The following VWA3A variants were observed in gnomAD, a reference collection of about 807,000 sequenced individuals.
VWA3A encodes the protein von Willebrand factor A domain containing 3A.
VWA3A carries 134 observed loss-of-function variants against 160.4 expected under a neutral mutation model. That is an observed-to-expected ratio of 0.84 (90% confidence interval 0.73 to 0.96). VWA3A has a LOEUF of 0.96. VWA3A is among the 40% of genes least tolerant of loss of function. VWA3A has a pLI of 0.00. For synonymous variants in VWA3A, 476 were observed against 543.4 expected, an observed-to-expected ratio of 0.88 and a Z score of 1.72; for missense variants, 1,310 against 1,447.9, an observed-to-expected ratio of 0.90 and a Z score of 1.55.
chr16:22,146,889 G>A (rs982436726), intron 27 of VWA3A, among the ~76,000 whole-genome samples: 2 of 152,126 alleles, frequency 1.3e-5, no homozygotes, highest in African/African-American at 2.4e-5. Flanking sequence ...GCTCTGCAAG[G>A]CCACCTGCCA....
Position 22,100,260 on chromosome 16 carries a change from A to T in VWA3A, c.292A>T (p.Ser98Cys), listed in dbSNP as rs1320036259. Reference sequence around the variant, plus strand: ...CTCTGAAGACTGGCTTTCGGCTCACAGTTTAAAATGTCAGAAACTCACCTT... The same window carrying T: ...CTCTGAAGACTGGCTTTCGGCTCACTGTTTAAAATGTCAGAAACTCACCTT... ...EDSEDWLSAH[S>C]LKCQKLTLAD... Residue 98 changes from serine to cysteine, a missense_variant, in exon 4 of 34, where the codon AGT (serine) becomes TGT (cysteine). Transcript: ENST00000389398. The T allele has an allele frequency of 6.4e-7, 1 of 1,551,310 alleles. No individual in the cohort carries two copies. The highest frequency in any genetic ancestry group is 1.4e-5 in the African/African-American group (1 of 72,974).
rs1231104397 is a variant in VWA3A, at chr16:22,152,494, C to A, written c.3282-17C>A. 6.2e-7 allele frequency: 1 copy of A among 1,612,224 alleles called. No homozygotes were observed. Among genetic ancestry groups the A allele is most frequent in the East Asian group, 2.2e-5 (1 of 44,850 alleles). On this transcript the variant is annotated splice_polypyrimidine_tract_variant and intron_variant, in intron 30 of 33. Coordinates refer to ENST00000389398, the MANE Select transcript of VWA3A (RefSeq NM_173615.5). Reference sequence around the variant, plus strand: ...GTCAGTCAGCCTTCCCACCAGCCCTCTGTCCCTTCCTTCCAGAGCGGCGGT... The same window carrying A: ...GTCAGTCAGCCTTCCCACCAGCCCTATGTCCCTTCCTTCCAGAGCGGCGGT...
At chr16:22,120,548 T>TTTTTAC (rs2045713860) in intron 12 of VWA3A, among the ~76,000 whole-genome samples, 1 of 152,210 alleles carries the variant, frequency 6.6e-6, no homozygotes, top group Non-Finnish European at 1.5e-5. Context: ...TGCTGTTCTA[T>TTTTTAC]TTTTACTTAC....
At chr16:22,113,224 CTCTG>C (rs2045576691) in intron 8 of VWA3A, among the ~76,000 whole-genome samples, 1 of 151,828 alleles carries the variant, frequency 6.6e-6, no homozygotes, top group African/African-American at 2.4e-5. Context: ...TGGAGTCTTA[CTCTG>C]TCACCCAGGC....
At chr16:22,136,901 A>ACG in intron 21 of VWA3A, among the ~76,000 whole-genome samples, 1 of 149,528 alleles carries the variant, frequency 6.7e-6, no homozygotes, top group East Asian at 2.0e-4. Flanking sequence ...ACACGCACAC[A>ACG]CACACACACA....
intron 12 of VWA3A, 89 bp downstream of exon 12, chr16:22,119,116 C>G: frequency 6.9e-7 from 1 of 1,456,528 alleles, no homozygotes; most frequent in Non-Finnish European, 9.1e-7. Context: ...ATAGGGGGCA[C>G]AGCTGCCAGT....
At chr16:22,098,649 T>C (rs1020418445) in intron 3 of VWA3A, among the ~76,000 whole-genome samples, 5 of 152,156 alleles carry the variant, frequency 3.3e-5, no homozygotes, top group African/African-American at 1.2e-4. Flanking sequence ...GTTACATAAT[T>C]AGCATGGCCT....
chr16:22,151,625 G>A (rs1456207071), intron 30 of VWA3A, among the ~76,000 whole-genome samples: 2 of 152,036 alleles, frequency 1.3e-5, no homozygotes, highest in Admixed American at 6.6e-5. Context: ...TAATCCCAGT[G>A]CTTTGGGAGA....
At chr16:22,135,229 G>GC (rs11393755) in intron 21 of VWA3A, among the ~76,000 whole-genome samples, 66,368 of 151,794 alleles carry the variant, frequency 0.44, 17,860 homozygotes, top group East Asian at 0.76. Context: ...GCTTAGAGGA[G>GC]CCGGCTAAAG....
At chr16:22,134,119 A>G (rs2045999484) in intron 20 of VWA3A, among the ~76,000 whole-genome samples, 1 of 151,954 alleles carries the variant, frequency 6.6e-6, no homozygotes, top group Non-Finnish European at 1.5e-5. Flanking sequence ...GTCCACCACC[A>G]CGCCCAGTTA....
intron 6 of VWA3A, among the ~76,000 whole-genome samples, chr16:22,108,775 T>C (rs1200992079): frequency 6.6e-6 from 1 of 152,130 alleles, no homozygotes; most frequent in Non-Finnish European, 1.5e-5. Context: ...ATGTGCAGAG[T>C]CAAACAGCAT....
At chr16:22,111,076 A>C (rs796588487) in intron 8 of VWA3A, 82 bp downstream of exon 8, 3 of 1,224,874 alleles carry the variant, frequency 2.4e-6, no homozygotes, top group African/African-American at 3.0e-5. Context: ...GAATAATTCA[A>C]CTGCAAACCC....
chr16:22,097,086 C>T, intron 2 of VWA3A, 141 bp downstream of exon 2: 1 of 596,348 alleles, frequency 1.7e-6, no homozygotes, highest in Non-Finnish European at 2.9e-6. Context: ...CTGCCTCAGC[C>T]TCCCGAGTAG....
At chr16:22,118,168 C>A (rs2045675843) in intron 11 of VWA3A, among the ~76,000 whole-genome samples, 1 of 152,104 alleles carries the variant, frequency 6.6e-6, no homozygotes, top group African/African-American at 2.4e-5. Flanking sequence ...ATAGTCACAG[C>A]TACTCAGGAG....
intron 8 of VWA3A, among the ~76,000 whole-genome samples, chr16:22,112,542 G>T (rs1255193667): frequency 6.6e-5 from 10 of 152,020 alleles, no homozygotes; most frequent in Admixed American, 2.0e-4. Context: ...AACCCAGTGA[G>T]ACCCCATCTC....
chr16:22,152,810 C>G (rs528474949), intron 31 of VWA3A, among the ~76,000 whole-genome samples, 176 bp downstream of exon 31: 1 of 152,162 alleles, frequency 6.6e-6, no homozygotes, highest in East Asian at 1.9e-4. Context: ...TTCCTTCTGA[C>G]GAAAAAGATC....
At chr16:22,111,080 C>T in intron 8 of VWA3A, 86 bp downstream of exon 8, 1 of 1,194,136 alleles carries the variant, frequency 8.4e-7, no homozygotes, top group Non-Finnish European at 1.2e-6. Context: ...AATTCAACTG[C>T]AAACCCCAGG....
intron 3 of VWA3A, 81 bp from the exon 4 acceptor site, chr16:22,100,113 C>T: frequency 6.9e-7 from 1 of 1,451,408 alleles, no homozygotes; most frequent in Non-Finnish European, 9.1e-7. Flanking sequence ...GAGTTGGCGC[C>T]CGTTGGGTAT....
chr16:22,144,819 C>T (rs1000332688), intron 26 of VWA3A, among the ~76,000 whole-genome samples: 6 of 151,906 alleles, frequency 3.9e-5, no homozygotes, highest in African/African-American at 7.3e-5. Flanking sequence ...GAGGCTGAGG[C>T]GGGAGGATTA....
Sources: gnomAD v4.1 joint callset for allele counts (sites outside exome capture counted in the v4.1 genomes callset) on GRCh38, gnomAD v4.1.1 for gene constraint, MANE v1.5 for transcripts, NCBI Gene and HGNC (gene_info 2026-07-23, HGNC 2026-07-21) for gene names.